The following COL11A1 variants were observed in gnomAD, a reference collection of about 807,000 sequenced individuals.
COL11A1 encodes collagen alpha-1(XI) chain.
Under a neutral mutation model 265.2 loss-of-function variants are expected in COL11A1, and 74 were observed. The ratio of observed to expected loss-of-function variants is 0.28; its 90% CI spans 0.23 to 0.34. The LOEUF (loss-of-function observed/expected upper bound fraction) is 0.34, where lower values mean the gene tolerates loss of function less well. Ranked by LOEUF, COL11A1 falls within the 10% of genes least tolerant of loss-of-function variation. The pLI is 1.00. For missense variants in COL11A1, 2,165 were observed against 2,263.6 expected (o/e 0.96, Z 0.88); for synonymous variants, 816 against 727.6 (o/e 1.12, Z -1.96).
chr1:102,921,710 C>T, intron 47 of COL11A1, 139 bp from the exon 48 acceptor site: 2 of 696,530 alleles, frequency 2.9e-6, no homozygotes, highest in Non-Finnish European at 2.5e-6. Flanking sequence ...GGTTATAAGT[C>T]ATCCTTCATG....
At chr1:102,958,700 A>T (rs1019127817) in intron 41 of COL11A1, among the ~76,000 whole-genome samples, 1 of 152,178 alleles carries the variant, frequency 6.6e-6, no homozygotes, top group African/African-American at 2.4e-5. Context: ...TGCATATTTG[A>T]TTTGCAAATA....
At chr1:103,057,371 C>T (rs776790571) in intron 4 of COL11A1, among the ~76,000 whole-genome samples, 61 of 152,166 alleles carry the variant, frequency 4.0e-4, no homozygotes, top group Admixed American at 1.0e-3. Context: ...AGTTCTCTTG[C>T]TATTTCTGCC....
intron 28 of COL11A1, among the ~76,000 whole-genome samples, chr1:102,991,189 G>A (rs1013529692): frequency 6.6e-5 from 10 of 152,026 alleles, no homozygotes; most frequent in African/African-American, 2.4e-4. Context: ...TGAGGCAGGA[G>A]GTTAATAGGG....
intron 30 of COL11A1, among the ~76,000 whole-genome samples, chr1:102,987,186 T>C (rs12121824): frequency 0.2 from 29,642 of 151,838 alleles, 2,986 homozygotes; most frequent in Non-Finnish European, 0.22. Flanking sequence ...CTCATAATTA[T>C]ACCTCTTAGG....
At chr1:102,884,538 T>C (rs1448506977) in intron 63 of COL11A1, 1 of 152,226 alleles carries the variant, frequency 6.6e-6, no homozygotes, top group Non-Finnish European at 1.5e-5. Flanking sequence ...CTCAAGCATG[T>C]GCACTAAGAT....
intron 46 of COL11A1, among the ~76,000 whole-genome samples, chr1:102,925,656 T>C (rs962770568): frequency 2.0e-5 from 3 of 152,112 alleles, no homozygotes; most frequent in Non-Finnish European, 4.4e-5. Context: ...TCAGATCTTA[T>C]AGACCTAAAA....
intron 66 of COL11A1, among the ~76,000 whole-genome samples, chr1:102,878,916 A>C (rs1649887369): frequency 6.6e-6 from 1 of 152,166 alleles, no homozygotes; most frequent in Non-Finnish European, 1.5e-5. Flanking sequence ...ACACAAGGTC[A>C]AATGTCAAAA....
chr1:102,887,742 TTAAGA>T (rs1651181797), intron 62 of COL11A1, among the ~76,000 whole-genome samples: 1 of 152,160 alleles, frequency 6.6e-6, no homozygotes, highest in South Asian at 2.1e-4. Context: ...ATATAATTAG[TTAAGA>T]TAACATCGCT....
At chr1:102,935,582 G>T (rs557236038) in intron 44 of COL11A1, among the ~76,000 whole-genome samples, 1 of 152,116 alleles carries the variant, frequency 6.6e-6, no homozygotes, top group African/African-American at 2.4e-5. Flanking sequence ...TCACATATGC[G>T]TACACATGTA....
intron 4 of COL11A1, among the ~76,000 whole-genome samples, chr1:103,035,773 C>T (rs1022143686): frequency 1.1e-4 from 17 of 151,954 alleles, no homozygotes; most frequent in Admixed American, 1.1e-3. Flanking sequence ...TTTATTTTTA[C>T]ATGTCATGAA....
intron 46 of COL11A1, among the ~76,000 whole-genome samples, chr1:102,926,150 T>C (rs1400631981): frequency 6.6e-6 from 1 of 152,124 alleles, no homozygotes; most frequent in Non-Finnish European, 1.5e-5. Flanking sequence ...TTACAATTAG[T>C]GGAGACACAA....
chr1:103,080,762 T>C (rs1672346620), intron 2 of COL11A1, among the ~76,000 whole-genome samples: 1 of 151,804 alleles, frequency 6.6e-6, no homozygotes, highest in African/African-American at 2.4e-5. Context: ...GTAAAAAATT[T>C]CCTCAAAAAA....
intron 54 of COL11A1, among the ~76,000 whole-genome samples, chr1:102,907,500 CT>C (rs1209348193): frequency 6.6e-6 from 1 of 151,990 alleles, no homozygotes; most frequent in African/African-American, 2.4e-5. Flanking sequence ...TTGCAACCCA[CT>C]TTTTTTCCAC....
intron 46 of COL11A1, among the ~76,000 whole-genome samples, chr1:102,927,092 CATAAG>C (rs1201674081): frequency 2.0e-5 from 3 of 151,872 alleles, no homozygotes; most frequent in African/African-American, 4.8e-5. Context: ...TAATTATGCA[CATAAG>C]ATATTTAATA....
intron 4 of COL11A1, among the ~76,000 whole-genome samples, chr1:103,049,863 T>C (rs58049556): frequency 6.6e-6 from 1 of 152,310 alleles, no homozygotes; most frequent in African/African-American, 2.4e-5. Flanking sequence ...TTATGAAGCT[T>C]TGATTCGCTG....
chr1:102,956,680 C>A (rs545177435), intron 41 of COL11A1, among the ~76,000 whole-genome samples: 246 of 151,668 alleles, frequency 1.6e-3, no homozygotes, highest in Non-Finnish European at 2.6e-3. Context: ...AGGTCTTGCC[C>A]AGTATTTAAA....
intron 37 of COL11A1, among the ~76,000 whole-genome samples, chr1:102,969,655 T>A (rs994165796): frequency 6.6e-6 from 1 of 152,226 alleles, no homozygotes; most frequent in African/African-American, 2.4e-5. Context: ...ACTGTTATAT[T>A]CTTTATAGGT....
At chr1:102,942,271 A>C (rs1169257869) in intron 42 of COL11A1, among the ~76,000 whole-genome samples, 1 of 152,160 alleles carries the variant, frequency 6.6e-6, no homozygotes, top group Non-Finnish European at 1.5e-5. Flanking sequence ...CTTTTGTATA[A>C]GGTTTCCTGT....
At chr1:103,022,316 A>T (rs982604486) in intron 8 of COL11A1, among the ~76,000 whole-genome samples, 2 of 152,160 alleles carry the variant, frequency 1.3e-5, no homozygotes, top group African/African-American at 4.8e-5. Flanking sequence ...AATGAGATTG[A>T]ACGATTGCCT....
Sources: gnomAD v4.1 joint callset for allele counts (sites outside exome capture counted in the v4.1 genomes callset) on GRCh38, gnomAD v4.1.1 for gene constraint, MANE v1.5 for transcripts, NCBI Gene and HGNC (gene_info 2026-07-23, HGNC 2026-07-21) for gene names.